The following TNRC6B variants were observed in gnomAD, a reference collection of about 807,000 sequenced individuals.
TNRC6B encodes trinucleotide repeat containing adaptor 6B, also known as trinucleotide repeat-containing gene 6B protein.
A neutral mutation model predicts 203.6 loss-of-function variants in TNRC6B; 52 were observed. The observed-to-expected ratio is 0.26, with a 90% CI of 0.20 to 0.32. The LOEUF is 0.32. TNRC6B is among the 10% of genes least tolerant of loss of function. The probability of loss-of-function intolerance (pLI) is 1.00; values close to 1 mark genes in which losing one functional copy is unlikely to be tolerated. For missense variants in TNRC6B, 1,923 were observed against 2,286.2 expected, an observed-to-expected ratio of 0.84 and a Z score of 3.24; for synonymous variants, 838 against 845.7, an observed-to-expected ratio of 0.99 and a Z score of 0.16.
At chr22:40,225,098 AGT>A (rs1336261365) in intron 1 of TNRC6B, among the ~76,000 whole-genome samples, 2 of 152,244 alleles carry the variant, frequency 1.3e-5, no homozygotes, top group African/African-American at 4.8e-5. Flanking sequence ...CTACCATTGT[AGT>A]GTCCAAGATA....
intron 1 of TNRC6B, among the ~76,000 whole-genome samples, chr22:40,223,351 G>A (rs756166876): frequency 6.6e-5 from 10 of 151,960 alleles, no homozygotes; most frequent in Non-Finnish European, 1.3e-4. Context: ...TTATTGGTCA[G>A]GCTGGACTTG....
At chr22:40,172,200 C>G (rs1392199932) in intron 4 of TNRC6B, among the ~76,000 whole-genome samples, 1 of 152,138 alleles carries the variant, frequency 6.6e-6, no homozygotes, top group African/African-American at 2.4e-5. Flanking sequence ...CTTTTCAACT[C>G]AGCTTAAATG....
intron 1 of TNRC6B, among the ~76,000 whole-genome samples, chr22:40,060,781 GT>G (rs2067843066): frequency 6.6e-6 from 1 of 152,208 alleles, no homozygotes; most frequent in Non-Finnish European, 1.5e-5. Flanking sequence ...CCAGGAACAA[GT>G]TGTAACAATA....
intron 1 of TNRC6B, among the ~76,000 whole-genome samples, chr22:40,051,476 A>C (rs906065458): frequency 1.3e-5 from 2 of 152,200 alleles, no homozygotes. Flanking sequence ...AGCTGAGCCT[A>C]CTTACCCTTT....
intron 1 of TNRC6B, among the ~76,000 whole-genome samples, chr22:40,064,805 C>A (rs1262059598): frequency 6.6e-6 from 1 of 151,704 alleles, no homozygotes; most frequent in Non-Finnish European, 1.5e-5. Flanking sequence ...TTAGTAGAGA[C>A]AGGGTTTCAC....
At chr22:40,167,120 G>A (rs1462626221) in intron 4 of TNRC6B, among the ~76,000 whole-genome samples, 1 of 152,132 alleles carries the variant, frequency 6.6e-6, no homozygotes, top group East Asian at 1.9e-4. Flanking sequence ...AGTTGACCTA[G>A]TAACAGCTCT....
chr22:40,232,477 A>G (rs1319081015), intron 1 of TNRC6B, among the ~76,000 whole-genome samples: 1 of 152,184 alleles, frequency 6.6e-6, no homozygotes, highest in East Asian at 1.9e-4. Context: ...AGTCGAAGCT[A>G]TCAGGAGACA....
rs1429334988 is a variant in TNRC6B, at chr22:40,279,934, C to G, written c.3263-61C>G. ...CATGAGGATAGTGGGGCAGGTCACT[C>G]TTGGTTCATGGGGGAAACATTGATT... On this transcript the variant is annotated intron_variant, in intron 9 of 22. Coordinates refer to ENST00000454349, the MANE Select transcript of TNRC6B (RefSeq NM_001162501.2). The G allele has an allele frequency of 1.1e-5, 17 of 1,553,718 alleles. No individual in the cohort carries two copies. The Middle Eastern group carries it at 5.0e-4, about 46-fold the overall frequency.
chr22:40,182,265 GAAAA>G (rs971478076), intron 1 of TNRC6B, among the ~76,000 whole-genome samples: 26 of 151,406 alleles, frequency 1.7e-4, no homozygotes, highest in African/African-American at 6.3e-4. Flanking sequence ...GAAAAGAAAA[GAAAA>G]AAAAGCCAAA....
At chr22:40,179,506 A>C (rs956300662) in intron 1 of TNRC6B, among the ~76,000 whole-genome samples, 13 of 152,248 alleles carry the variant, frequency 8.5e-5, no homozygotes, top group African/African-American at 3.1e-4. Context: ...AGTTTAGAAA[A>C]GGCATTTAAA....
intron 4 of TNRC6B, among the ~76,000 whole-genome samples, chr22:40,156,337 T>G (rs1231386450): frequency 3.3e-5 from 5 of 152,210 alleles, no homozygotes; most frequent in Non-Finnish European, 7.4e-5. Flanking sequence ...TTGCTTCTAT[T>G]TATAGACCAA....
At chr22:40,234,960 C>G (rs551975991) in intron 1 of TNRC6B, among the ~76,000 whole-genome samples, 1 of 152,134 alleles carries the variant, frequency 6.6e-6, no homozygotes, top group South Asian at 2.1e-4. Context: ...TTCCAACATG[C>G]TTTTTGTGTG....
rs769449771 is a variant in TNRC6B at position 40,264,734 on chromosome 22, T to A, written c.504T>A (p.Thr168=). The change falls in exon 5 of 23, where the codon ACT becomes ACA. Residue 168 remains threonine (T), a synonymous_variant. Coordinates refer to ENST00000454349, the MANE Select transcript of TNRC6B (RefSeq NM_001162501.2). The stretch of plus-strand genomic sequence containing the variant: ...CTGCTTCAAATTATGCAAATTCCAC[T>A]TGGGGCTCGGGAGCCTCCTCCAACA... ...GAAASNYANS[T]WGSGASSNNG... is the part of the protein sequence containing the mutation. 4 of 1,607,924 alleles carry A rather than the reference T, an allele frequency of 2.5e-6. No individual in the cohort carries two copies. Among genetic ancestry groups the A allele is most frequent in the Non-Finnish European group, 3.4e-6 (4 of 1,176,144 alleles).
intron 1 of TNRC6B, among the ~76,000 whole-genome samples, chr22:40,237,005 A>C (rs767950769): frequency 9.2e-5 from 14 of 152,076 alleles, no homozygotes; most frequent in Non-Finnish European, 1.9e-4. Context: ...TCTCTACTAA[A>C]AATACAAAAA....
At chr22:40,113,995 A>G (rs2068365054) in intron 1 of TNRC6B, among the ~76,000 whole-genome samples, 2 of 152,202 alleles carry the variant, frequency 1.3e-5, no homozygotes, top group Admixed American at 6.5e-5. Context: ...CTGTATCCCA[A>G]GAATTATGCT....
At chr22:40,194,491 C>T (rs2069312018) in intron 1 of TNRC6B, among the ~76,000 whole-genome samples, 1 of 152,196 alleles carries the variant, frequency 6.6e-6, no homozygotes, top group African/African-American at 2.4e-5. Context: ...AGTTGCTGGG[C>T]CAGCTTTCCT....
intron 3 of TNRC6B, among the ~76,000 whole-genome samples, chr22:40,259,810 T>G (rs2070347403): frequency 6.6e-6 from 1 of 152,272 alleles, no homozygotes; most frequent in Non-Finnish European, 1.5e-5. Flanking sequence ...CGCATCATTT[T>G]AGCAGTCAAA....
At chr22:40,319,412 CT>C (rs2071304473) in intron 21 of TNRC6B, among the ~76,000 whole-genome samples, 1 of 118,192 alleles carries the variant, frequency 8.5e-6, no homozygotes, top group African/African-American at 2.9e-5. Context: ...GTTGTTATAA[CT>C]TTTCTTTTCT....
intron 1 of TNRC6B, among the ~76,000 whole-genome samples, chr22:40,077,104 G>C (rs1601801617): frequency 6.6e-6 from 1 of 151,396 alleles, no homozygotes; most frequent in Non-Finnish European, 1.5e-5. Flanking sequence ...GGGAGGGAGA[G>C]GAGAGGGGAG....
Sources: gnomAD v4.1 joint callset for allele counts (sites outside exome capture counted in the v4.1 genomes callset) on GRCh38, gnomAD v4.1.1 for gene constraint, MANE v1.5 for transcripts, NCBI Gene and HGNC (gene_info 2026-07-23, HGNC 2026-07-21) for gene names.